Variants in TXLNB observed in about 807,000 individuals in gnomAD.
TXLNB encodes the protein taxilin beta, also known as beta-taxilin.
A neutral mutation model predicts 57.4 loss-of-function variants in TXLNB; 37 were observed. The observed-to-expected ratio is 0.64, with a 90% confidence interval of 0.50 to 0.85. The LOEUF is 0.85. TXLNB is among the 40% of genes least tolerant of loss of function. TXLNB has a pLI of 0.00. For synonymous variants in TXLNB, 302 were observed against 309.6 expected, an observed-to-expected ratio of 0.98 and a Z score of 0.26; for missense variants, 848 against 825.6, an observed-to-expected ratio of 1.03 and a Z score of -0.33.
At chr6:139,167,132 G>A in the TXLNB span, 5 of 1,614,196 alleles carry the variant, frequency 3.1e-6, no homozygotes, top group Non-Finnish European at 4.2e-6. Flanking sequence ...CGATGCCCAA[G>A]TGGGCCAGGG....
rs780421879 is a variant in TXLNB at position 139,243,188 on chromosome 6, C to T, written c.1393G>A (p.Glu465Lys). 14 of 1,614,026 alleles carry T rather than the reference C, an allele frequency of 8.7e-6. No homozygotes were observed. The highest frequency in any genetic ancestry group is 1.1e-5 in the Non-Finnish European group (13 of 1,180,038). The change falls in exon 10 of 10, where the codon GAA becomes AAA. Residue 465 changes from glutamate to lysine, a missense_variant. Glu to Lys is a moderately conservative substitution (Grantham distance 56, BLOSUM62 1). Transcript: ENST00000358430. ...HKKIRDAEIS[E>K]KDDQSQHNSD... ...TTGTGCTGACTTTGGTCATCCTTTT[C>T]AGATATTTCTGCGTCTCTGATTTTT... is the stretch of plus-strand genomic sequence containing the variant.
downstream of TXLNB, chr6:139,239,751 G>C (rs1405189589): frequency 1.3e-5 from 2 of 152,100 alleles, no homozygotes; most frequent in Non-Finnish European, 2.9e-5. The surrounding 1 kb of genome is among the most constrained non-coding windows in gnomAD (Gnocchi z 4.7). Flanking sequence ...TCCCACCTTA[G>C]TTTCCAAAGT....
At chr6:139,210,791 C>A in the TXLNB span, among the ~76,000 whole-genome samples, 30 of 152,242 alleles carry the variant, frequency 2.0e-4, no homozygotes, top group African/African-American at 5.5e-4. Flanking sequence ...CCTAATACTG[C>A]GCTCTTCCAA....
chr6:139,169,068 G>C, the TXLNB span, among the ~76,000 whole-genome samples: 114 of 152,092 alleles, frequency 7.5e-4, no homozygotes, highest in African/African-American at 2.6e-3. Context: ...TCTATTTGTC[G>C]TGCTTTCTGT....
the TXLNB span, among the ~76,000 whole-genome samples, chr6:139,311,745 A>G: frequency 6.6e-6 from 1 of 152,170 alleles, no homozygotes; most frequent in Non-Finnish European, 1.5e-5. Context: ...CTCCACCTGA[A>G]CTGGACTGTT....
At chr6:139,300,974 A>C in the TXLNB span, among the ~76,000 whole-genome samples, 1 of 152,158 alleles carries the variant, frequency 6.6e-6, no homozygotes, top group African/African-American at 2.4e-5. Flanking sequence ...CATCTCTTCT[A>C]TTCTTCTTTA....
chr6:139,175,128 A>T, the TXLNB span, among the ~76,000 whole-genome samples: 18 of 152,304 alleles, frequency 1.2e-4, no homozygotes, highest in Non-Finnish European at 2.2e-4. Context: ...GACATCTGAA[A>T]TTTAGCTGTC....
At chr6:139,167,288 G>T in the TXLNB span, 1 of 1,607,914 alleles carries the variant, frequency 6.2e-7, no homozygotes, top group Non-Finnish European at 8.5e-7. Flanking sequence ...GTCGAGACAT[G>T]ATGAGATCGA....
Position 139,242,930 on chromosome 6 carries a change from C to T in TXLNB, c.1651G>A (p.Asp551Asn), listed in dbSNP as rs775075282. 7.4e-6 allele frequency: 12 copies of T among 1,614,136 alleles called. No individual in the cohort carries two copies. Among genetic ancestry groups the T allele is most frequent in the Non-Finnish European group, 1.0e-5 (12 of 1,180,032 alleles). Residue 551 changes from aspartate (D) to asparagine (N), a missense_variant, in exon 10 of 10, where the codon GAT (aspartate) becomes AAT (asparagine). Coordinates refer to ENST00000358430, the MANE Select transcript of TXLNB (RefSeq NM_153235.4). ...AGGGGAGGCAGGGGACTCTCTGAATCCCGTGAAGGGATCAGAGGGGGTTGC... is the reference window on the plus strand; with the variant it reads ...AGGGGAGGCAGGGGACTCTCTGAATTCCGTGAAGGGATCAGAGGGGGTTGC... ...PEQPPLIPSR[D>N]SESPLPPLTP...
At chr6:139,195,565 CA>C in the TXLNB span, among the ~76,000 whole-genome samples, 1 of 152,124 alleles carries the variant, frequency 6.6e-6, no homozygotes, top group Non-Finnish European at 1.5e-5. Flanking sequence ...TGAAAAATTT[CA>C]AAAGAACCAG....
Position 139,265,066 on chromosome 6 carries a change from G to A in TXLNB, c.688-2293C>T, listed in dbSNP as rs6903095. On this transcript the variant is annotated intron_variant, in intron 4 of 9. Coordinates refer to ENST00000358430, the MANE Select transcript of TXLNB (RefSeq NM_153235.4). ...ACAAAAAAACCTTGCAAGCATCATT[G>A]TGCATCTTACAACTGGTGCTGTGCC... Among the ~76,000 whole-genome samples the A allele has an allele frequency of 8.7e-3, 1,324 of 152,300 alleles. 17 individuals are homozygous for A. The highest frequency in any genetic ancestry group is 0.03 in the African/African-American group (1,246 of 41,556).
chr6:139,237,507 T>TA (rs58158274), downstream of TXLNB: 4,781 of 77,288 alleles, frequency 0.062, 159 homozygotes, highest in East Asian at 0.13. Flanking sequence ...AGACTCCATC[T>TA]AAAAAAAAAA....
chr6:139,210,925 G>A, the TXLNB span, among the ~76,000 whole-genome samples: 3 of 152,246 alleles, frequency 2.0e-5, no homozygotes, highest in African/African-American at 7.2e-5. Context: ...GTGGCAGTGA[G>A]GCTGGGGGAG....
the TXLNB span, among the ~76,000 whole-genome samples, chr6:139,316,262 T>C: frequency 6.6e-6 from 1 of 152,188 alleles, no homozygotes; most frequent in Admixed American, 6.5e-5. Flanking sequence ...AATCCAGTTT[T>C]AGAAAAGAAC....
chr6:139,195,434 T>C, the TXLNB span, among the ~76,000 whole-genome samples: 2 of 152,220 alleles, frequency 1.3e-5, no homozygotes, highest in Non-Finnish European at 2.9e-5. Flanking sequence ...TTATTTTCTA[T>C]GTGTGACATT....
At chr6:139,172,789 A>C in the TXLNB span, among the ~76,000 whole-genome samples, 1 of 152,308 alleles carries the variant, frequency 6.6e-6, no homozygotes, top group Admixed American at 6.5e-5. Flanking sequence ...CAGCTCTGTA[A>C]GCCTCACTTC....
At chr6:139,290,896 T>C (rs113157562) in intron 1 of TXLNB, among the ~76,000 whole-genome samples, 61 of 152,334 alleles carry the variant, frequency 4.0e-4, no homozygotes, top group African/African-American at 1.3e-3. Flanking sequence ...TAGATGTCAA[T>C]TGAATGCTCA....
chr6:139,206,545 G>A, the TXLNB span, among the ~76,000 whole-genome samples: 2 of 152,228 alleles, frequency 1.3e-5, no homozygotes, highest in African/African-American at 4.8e-5. Flanking sequence ...GCATGTGCCT[G>A]TATTCCCAGC....
At chr6:139,229,034 C>A in the TXLNB span, among the ~76,000 whole-genome samples, 4 of 152,120 alleles carry the variant, frequency 2.6e-5, no homozygotes, top group African/African-American at 9.7e-5. Context: ...TGCATGTATC[C>A]AGGACAAAGT....
Sources: allele counts gnomAD v4.1 joint callset (sites outside exome capture counted in the v4.1 genomes callset), GRCh38; gene constraint gnomAD v4.1.1; non-coding constraint Gnocchi (gnomAD v3.1); transcripts MANE v1.5; gene names NCBI Gene and HGNC (gene_info 2026-07-23, HGNC 2026-07-21).